The following ARMC2 variants were observed in gnomAD, a reference collection of about 807,000 sequenced individuals.
ARMC2 encodes armadillo repeat containing 2.
A neutral mutation model predicts 90.3 loss-of-function variants in ARMC2; 67 were observed. That is an observed-to-expected ratio of 0.74 (90% CI 0.61 to 0.91). The LOEUF is 0.91. ARMC2 is among the 40% of genes least tolerant of loss of function. ARMC2 has a pLI of 0.00. For synonymous variants in ARMC2, 393 were observed against 393.0 expected (o/e 1.00, Z 0.00); for missense variants, 920 against 1,030.9 (o/e 0.89, Z 1.47).
At chr6:108,882,296 G>C (rs1301244814) in intron 5 of ARMC2, among the ~76,000 whole-genome samples, 6 of 151,900 alleles carry the variant, frequency 3.9e-5, no homozygotes, top group African/African-American at 1.5e-4. Context: ...AAAATTAGCT[G>C]GGCATAGTGA....
At chr6:108,884,373 A>G (rs1777877910) in intron 5 of ARMC2, among the ~76,000 whole-genome samples, 1 of 152,238 alleles carries the variant, frequency 6.6e-6, no homozygotes, top group Non-Finnish European at 1.5e-5. Flanking sequence ...CTTTGAATGC[A>G]CACACAAGGT....
At chr6:109,045,000 G>A in the ARMC2 span, among the ~76,000 whole-genome samples, 2 of 151,236 alleles carry the variant, frequency 1.3e-5, no homozygotes, top group African/African-American at 4.9e-5. Context: ...TCCATCCTGG[G>A]CAACAAGAGC....
At chr6:109,015,712 T>C in the ARMC2 span, among the ~76,000 whole-genome samples, 1 of 152,196 alleles carries the variant, frequency 6.6e-6, no homozygotes, top group Non-Finnish European at 1.5e-5. Context: ...TTAAGCCATA[T>C]GTTGCTAGGC....
intron 12 of ARMC2, among the ~76,000 whole-genome samples, chr6:108,944,423 G>C (rs1463624338): frequency 6.6e-6 from 1 of 152,114 alleles, no homozygotes; most frequent in Non-Finnish European, 1.5e-5. Context: ...TTTGAAAAAG[G>C]TGCTCATCAC....
intron 13 of ARMC2, among the ~76,000 whole-genome samples, chr6:108,959,178 G>A (rs540828906): frequency 6.6e-6 from 1 of 152,242 alleles, no homozygotes; most frequent in South Asian, 2.1e-4. Context: ...CTGCTCTAGC[G>A]GGAGGGGCCA....
chr6:108,909,627 C>A (rs762800670), intron 8 of ARMC2, among the ~76,000 whole-genome samples: 1 of 152,092 alleles, frequency 6.6e-6, no homozygotes, highest in Admixed American at 6.6e-5. Flanking sequence ...CCTCCGCCTC[C>A]CGGGTTCAAG....
the ARMC2 span, among the ~76,000 whole-genome samples, chr6:108,991,692 A>G: frequency 2.0e-5 from 3 of 152,202 alleles, no homozygotes; most frequent in Admixed American, 6.5e-5. Context: ...AACAAAACTT[A>G]ATAAGCCCCT....
the ARMC2 span, chr6:109,002,384 A>G: frequency 6.7e-7 from 1 of 1,493,096 alleles, no homozygotes; most frequent in South Asian, 1.1e-5. Flanking sequence ...TTTGGCAGTA[A>G]ACAAAATGAA....
chr6:108,941,347 A>G (rs1485027845), intron 12 of ARMC2, among the ~76,000 whole-genome samples: 1 of 152,196 alleles, frequency 6.6e-6, no homozygotes, highest in Non-Finnish European at 1.5e-5. Context: ...CCCAGCTAGT[A>G]CACTCAGAGC....
chr6:109,048,238 G>A, the ARMC2 span, among the ~76,000 whole-genome samples: 1 of 152,000 alleles, frequency 6.6e-6, no homozygotes, highest in Non-Finnish European at 1.5e-5. Flanking sequence ...TAAACATTCA[G>A]ATATCTCCAA....
At chr6:108,889,981 G>A (rs1770796756) in intron 5 of ARMC2, among the ~76,000 whole-genome samples, 1 of 150,284 alleles carries the variant, frequency 6.7e-6, no homozygotes, top group African/African-American at 2.5e-5. Context: ...GAGGTCAGGA[G>A]ATCGAGACCA....
the ARMC2 span, among the ~76,000 whole-genome samples, chr6:109,029,877 T>A: frequency 6.6e-6 from 1 of 152,164 alleles, no homozygotes; most frequent in Non-Finnish European, 1.5e-5. Flanking sequence ...TATTTTTCTA[T>A]GTAAGTTTGT....
the ARMC2 span, among the ~76,000 whole-genome samples, chr6:109,008,579 AG>A: frequency 2.0e-5 from 3 of 152,252 alleles, no homozygotes; most frequent in Non-Finnish European, 4.4e-5. Context: ...GTAAAGCTGC[AG>A]AAAAAATAAT....
At chr6:109,023,407 T>C in the ARMC2 span, among the ~76,000 whole-genome samples, 1 of 152,370 alleles carries the variant, frequency 6.6e-6, no homozygotes, top group East Asian at 1.9e-4. Flanking sequence ...CTTGACAGTT[T>C]ACCATGCTAA....
chr6:108,945,863 G>C (rs1776766202), intron 12 of ARMC2, among the ~76,000 whole-genome samples: 2 of 152,234 alleles, frequency 1.3e-5, no homozygotes, highest in South Asian at 4.1e-4. Flanking sequence ...GGGCCATCAA[G>C]GATTGGTTAG....
chr6:109,046,499 C>T, the ARMC2 span, among the ~76,000 whole-genome samples: 23 of 147,990 alleles, frequency 1.6e-4, no homozygotes, highest in African/African-American at 5.2e-4. Context: ...TCTGCCCGGC[C>T]GCCACCCCGT....
the ARMC2 span, among the ~76,000 whole-genome samples, chr6:109,034,513 G>A: frequency 6.6e-6 from 1 of 152,138 alleles, no homozygotes; most frequent in East Asian, 1.9e-4. Context: ...TCGTAGAAAT[G>A]TGTAGTTTCC....
At chr6:108,964,044 G>A (rs1046670212) in intron 15 of ARMC2, 136 bp from the exon 16 acceptor site, 10 of 929,520 alleles carry the variant, frequency 1.1e-5, no homozygotes, top group African/African-American at 3.4e-5. Flanking sequence ...AAAGCCTTAG[G>A]AAGAATGAGT....
chr6:108,890,189 CAAAAAAAAAAAAAAAAAAAAAAAA>C (rs869186045), intron 5 of ARMC2, among the ~76,000 whole-genome samples: 13 of 64,222 alleles, frequency 2.0e-4, no homozygotes, highest in East Asian at 1.5e-3. Context: ...GACTCCGTCT[CAAAAAAAAAAAAAAAAAAAAAAAA>C]AAAAAAAAAA....
Sources: allele counts gnomAD v4.1 joint callset (sites outside exome capture counted in the v4.1 genomes callset), GRCh38; gene constraint gnomAD v4.1.1; transcripts MANE v1.5; gene names NCBI Gene and HGNC (gene_info 2026-07-23, HGNC 2026-07-21).